ADAMTSL1: variants seen among roughly 807,000 people sequenced by gnomAD.
ADAMTSL1 encodes ADAMTS like 1, also known as ADAMTS-like protein 1.
ADAMTSL1 carries 126 observed loss-of-function variants against 201.8 expected under a neutral mutation model. That is an observed-to-expected ratio of 0.62 (90% CI 0.54 to 0.72). ADAMTSL1 has a LOEUF of 0.72. Among genes scored for constraint, ADAMTSL1 ranks in the 30% least tolerant of loss-of-function variants. ADAMTSL1 has a pLI of 0.00. For synonymous variants in ADAMTSL1, 1,121 were observed against 903.4 expected (o/e 1.24, Z -4.32); for missense variants, 2,679 against 2,277.8 (o/e 1.18, Z -3.59).
At chr9:18,406,863 T>C (rs1818228933) in intron 2 of ADAMTSL1, among the ~76,000 whole-genome samples, 2 of 152,144 alleles carry the variant, frequency 1.3e-5, no homozygotes, top group Non-Finnish European at 2.9e-5. Flanking sequence ...TGTGGGAAAG[T>C]TTTGTTTTTC....
rs950446757 is a variant in ADAMTSL1 at position 18,214,599 on chromosome 9, G to A, written c.207+50618G>A. ...ATATAACAACAGTTCCACAAAGAAA[G>A]AATTGATAATAGTCTTTGCAGAAGC... On this transcript the variant is annotated intron_variant, in intron 2 of 29. Transcript: ENST00000680146. Among the ~76,000 whole-genome samples, 4 of 152,270 alleles carry A rather than the reference G, an allele frequency of 2.6e-5. No homozygotes were observed. The South Asian group carries it at 6.2e-4, about 24-fold the overall frequency.
In ADAMTSL1 at chr9:18,706,868, G is replaced by A. The variant is rs527660968; in HGVS notation, c.1696G>A (p.Glu566Lys). 110 of 1,613,734 alleles carry A rather than the reference G, an allele frequency of 6.8e-5. No homozygotes were observed. The East Asian group carries it at 2.5e-3, about 36-fold the overall frequency. ...GTCCGTGGCTGACCTGCCTATTGAC[G>A]AGTGTGAAGGGCCCAAGCCAGCATC... is the stretch of plus-strand genomic sequence containing the variant. ...SQSVADLPID[E>K]CEGPKPASQR... The change falls in exon 14 of 29, where the codon GAG becomes AAG. Residue 566 changes from glutamate (E) to lysine (K), a missense_variant. Coordinates refer to ENST00000380548, the MANE Select transcript of ADAMTSL1 (RefSeq NM_001040272.6).
chr9:17,981,555 G>T (rs72697425), intron 1 of ADAMTSL1, among the ~76,000 whole-genome samples: 1 of 151,944 alleles, frequency 6.6e-6, no homozygotes, highest in East Asian at 1.9e-4. Context: ...TTGTTCGAGT[G>T]AGCCATCTTT....
At chr9:18,843,010 A>G (rs1166433007) in intron 23 of ADAMTSL1, among the ~76,000 whole-genome samples, 1 of 152,076 alleles carries the variant, frequency 6.6e-6, no homozygotes, top group Non-Finnish European at 1.5e-5. Context: ...TTTGTCTTTT[A>G]ATTGGAGCAT....
chr9:18,627,278 G>C (rs1405885162), intron 5 of ADAMTSL1, among the ~76,000 whole-genome samples: 1 of 152,110 alleles, frequency 6.6e-6, no homozygotes, highest in East Asian at 1.9e-4. Flanking sequence ...CACGGCACCT[G>C]GCCACCATTT....
intron 2 of ADAMTSL1, among the ~76,000 whole-genome samples, chr9:18,276,246 A>G (rs980345405): frequency 1.3e-5 from 2 of 152,082 alleles, no homozygotes; most frequent in African/African-American, 2.4e-5. Context: ...TTTAGAAAAG[A>G]GTTCTTTGTC....
intron 23 of ADAMTSL1, among the ~76,000 whole-genome samples, chr9:18,887,393 ATAC>A (rs1419389515): frequency 6.6e-6 from 1 of 152,186 alleles, no homozygotes; most frequent in East Asian, 1.9e-4. Flanking sequence ...AGGGAATATG[ATAC>A]TTTTACCAAA....
At chr9:18,526,922 A>C (rs1819103542) in intron 2 of ADAMTSL1, among the ~76,000 whole-genome samples, 1 of 152,194 alleles carries the variant, frequency 6.6e-6, no homozygotes, top group African/African-American at 2.4e-5. Context: ...TTGAATTGCG[A>C]AACATGGCTT....
chr9:18,372,953 A>G (rs1478204617), intron 2 of ADAMTSL1, among the ~76,000 whole-genome samples: 1 of 152,212 alleles, frequency 6.6e-6, no homozygotes, highest in African/African-American at 2.4e-5. Context: ...CACCATAAAG[A>G]AGATTCTGTC....
intron 2 of ADAMTSL1, among the ~76,000 whole-genome samples, chr9:18,167,626 A>T (rs1827692667): frequency 6.6e-6 from 1 of 151,996 alleles, no homozygotes; most frequent in Non-Finnish European, 1.5e-5. Context: ...GTGGGGCAGT[A>T]TTATTTCTAC....
At chr9:18,293,947 C>G (rs1309968281) in intron 2 of ADAMTSL1, among the ~76,000 whole-genome samples, 1 of 152,012 alleles carries the variant, frequency 6.6e-6, no homozygotes, top group Admixed American at 6.6e-5. Context: ...TTAAACTGTA[C>G]TAAACATAAA....
At chr9:18,494,565 A>G (rs559009886) in intron 1 of ADAMTSL1, among the ~76,000 whole-genome samples, 1 of 152,300 alleles carries the variant, frequency 6.6e-6, no homozygotes, top group Admixed American at 6.5e-5. Flanking sequence ...CACCTGTGTT[A>G]CTGAGAATCA....
At chr9:18,526,563 G>A (rs1177132820) in intron 2 of ADAMTSL1, among the ~76,000 whole-genome samples, 1 of 152,206 alleles carries the variant, frequency 6.6e-6, no homozygotes, top group African/African-American at 2.4e-5. Context: ...GCATGTTTTT[G>A]CAGTGGCTGT....
intron 13 of ADAMTSL1, among the ~76,000 whole-genome samples, chr9:18,698,604 C>A (rs1331434095): frequency 1.3e-5 from 2 of 152,114 alleles, no homozygotes; most frequent in South Asian, 2.1e-4. Context: ...TGCACTCAGC[C>A]AATATTTTGA....
At position 18,620,015 on chromosome 9, in the gene ADAMTSL1, A is replaced by ATTAT. The variant is rs1564094080; in HGVS notation, c.475-2226_475-2225insATTT. 1.4e-4 allele frequency among the ~76,000 whole-genome samples: 14 copies of ATTAT among 101,256 alleles called. 1 individual carries two copies. Among genetic ancestry groups the ATTAT allele is most frequent in the East Asian group, 1.0e-3 (3 of 2,922 alleles). 66.4% of individuals were successfully genotyped at this position (101,256 alleles called of 152,430 possible). On this transcript the variant is annotated intron_variant, in intron 4 of 28. Transcript: ENST00000380548. Reference sequence around the variant, plus strand: ...AGGCAATTAGGTTATCAGTTTTCTGATTTTTTTTTTTTTTTTTTTTTTTGG... The same window carrying ATTAT: ...AGGCAATTAGGTTATCAGTTTTCTGATTATTTTTTTTTTTTTTTTTTTTTTTTGG...
chr9:18,614,764 A>G (rs1040730657), intron 4 of ADAMTSL1, among the ~76,000 whole-genome samples: 1 of 152,158 alleles, frequency 6.6e-6, no homozygotes, highest in Admixed American at 6.6e-5. Context: ...CCTTATGCTC[A>G]GTTGATTTGG....
intron 7 of ADAMTSL1, among the ~76,000 whole-genome samples, chr9:18,655,806 TAAAAAAAAAAAAAAAAAAAA>T (rs56662538): frequency 2.4e-4 from 20 of 81,846 alleles, no homozygotes; most frequent in East Asian, 1.1e-3. Context: ...TTTGTGAGCT[TAAAAAAAAAAAAAAAAAAAA>T]AAAAAAAAAA....
chr9:18,151,250 A>G (rs1189325536), intron 1 of ADAMTSL1, among the ~76,000 whole-genome samples: 1 of 152,082 alleles, frequency 6.6e-6, no homozygotes, highest in Non-Finnish European at 1.5e-5. Flanking sequence ...AAACCTTTAC[A>G]CAACTGTAAT....
At chr9:18,791,943 G>A (rs553867471) in intron 19 of ADAMTSL1, among the ~76,000 whole-genome samples, 1 of 152,246 alleles carries the variant, frequency 6.6e-6, no homozygotes, top group East Asian at 1.9e-4. Flanking sequence ...TGGGCAGAAA[G>A]CATGGTGGCT....
Sources: gnomAD v4.1 joint callset for allele counts (sites outside exome capture counted in the v4.1 genomes callset) on GRCh38, gnomAD v4.1.1 for gene constraint, MANE v1.5 for transcripts, NCBI Gene and HGNC (gene_info 2026-07-23, HGNC 2026-07-21) for gene names.